Variants in USP9X observed in about 807,000 individuals in gnomAD.
USP9X encodes ubiquitin carboxyl-terminal hydrolase 9X.
In USP9X, 7 loss-of-function variants were observed where a neutral mutation model predicts 190.3. The ratio of observed to expected loss-of-function variants is 0.04; its 90% CI spans 0.02 to 0.07. The LOEUF (loss-of-function observed/expected upper bound fraction) is 0.07. Ranked by LOEUF, USP9X falls within the 10% of genes least tolerant of loss-of-function variation. The probability of loss-of-function intolerance (pLI) is 1.00; values close to 1 mark genes in which losing one functional copy is unlikely to be tolerated. For synonymous variants in USP9X, 645 were observed against 659.5 expected, an observed-to-expected ratio of 0.98 and a Z score of 0.34; for missense variants, 1,010 against 1,916.9, an observed-to-expected ratio of 0.53 and a Z score of 8.83.
At chrX:41,195,046 C>CTTTTTTTTTTTTTTTTTTTTTTTTTTTTT (rs931341447) in intron 26 of USP9X, among the ~76,000 whole-genome samples, 1 of 104,685 alleles carries the variant, frequency 9.6e-6, no homozygotes, top group Non-Finnish European at 1.9e-5. Flanking sequence ...TTTTTTCTTT[C>CTTTTTTTTTTTTTTTTTTTTTTTTTTTTT]TTTTTTTTGG....
At chrX:41,105,543 A>G (rs2062063150) in intron 1 of USP9X, among the ~76,000 whole-genome samples, 1 of 112,152 alleles carries the variant, frequency 8.9e-6, no homozygotes, top group South Asian at 3.7e-4. Context: ...TGACACATTC[A>G]TCTGTCAAAC....
At chrX:41,121,730 GT>G (rs1010060958) in intron 1 of USP9X, among the ~76,000 whole-genome samples, 1 of 111,310 alleles carries the variant, frequency 9.0e-6, no homozygotes, top group African/African-American at 3.3e-5. Flanking sequence ...TTTTTGCAAA[GT>G]TCTGATGCCT....
At chrX:41,171,637 A>G in intron 20 of USP9X, 1 of 477,991 alleles carries the variant, frequency 2.1e-6, no homozygotes, top group Non-Finnish European at 3.7e-6. Flanking sequence ...CAAAAAAATG[A>G]CTGGAAGTGA....
chrX:41,093,595 G>A (rs1044781526), intron 1 of USP9X, among the ~76,000 whole-genome samples: 1 of 111,423 alleles, frequency 9.0e-6, no homozygotes, highest in Non-Finnish European at 1.9e-5. Flanking sequence ...CGCCTGCCTC[G>A]GCTTCCCAAA....
chrX:41,232,362 A>G (rs1294525943), intron 44 of USP9X, 25 bp from the exon 45 acceptor site: 15 of 1,197,569 alleles, frequency 1.3e-5, no homozygotes, highest in East Asian at 3.0e-5. Flanking sequence ...AAGTTTTAAC[A>G]TACAGATCTT....
At chrX:41,101,696 A>AT (rs1349683847) in intron 1 of USP9X, among the ~76,000 whole-genome samples, 8 of 112,324 alleles carry the variant, frequency 7.1e-5, no homozygotes, top group Non-Finnish European at 1.5e-4. Flanking sequence ...AAAAATAAAT[A>AT]AATAATGACT....
chrX:41,103,887 A>G (rs768897760), intron 1 of USP9X, among the ~76,000 whole-genome samples: 1 of 111,612 alleles, frequency 9.0e-6, no homozygotes, highest in Non-Finnish European at 1.9e-5. Context: ...TATATTTCTA[A>G]CTAAAAGGGT....
chrX:41,139,637 C>T (rs1169822369), intron 6 of USP9X, among the ~76,000 whole-genome samples: 1 of 112,085 alleles, frequency 8.9e-6, no homozygotes, highest in East Asian at 2.8e-4. Flanking sequence ...GCACTCTGGG[C>T]GACGAGAGTA....
intron 13 of USP9X, among the ~76,000 whole-genome samples, chrX:41,152,497 CAG>C (rs1319626002): frequency 9.0e-6 from 1 of 111,490 alleles, no homozygotes; most frequent in Non-Finnish European, 1.9e-5. Flanking sequence ...TGGCTACAAA[CAG>C]AGTGTCCCAG....
chrX:41,118,152 C>T (rs12844723), intron 1 of USP9X, among the ~76,000 whole-genome samples: 49 of 112,081 alleles, frequency 4.4e-4, no homozygotes, highest in African/African-American at 1.3e-3. Flanking sequence ...ACACCGTGCT[C>T]GGCTGATTTT....
chrX:41,207,563 C>T (rs955846823), intron 32 of USP9X, among the ~76,000 whole-genome samples: 1 of 111,847 alleles, frequency 8.9e-6, no homozygotes, highest in Non-Finnish European at 1.9e-5. Flanking sequence ...GTCAGTACTA[C>T]GTCATGCACT....
chrX:41,167,337 CTTAA>C, intron 16 of USP9X, 141 bp from the exon 17 acceptor site: 2 of 430,575 alleles, frequency 4.6e-6, no homozygotes, highest in Non-Finnish European at 8.0e-6. Context: ...GTGCTTCTCA[CTTAA>C]TTTTACTTGA....
chrX:41,107,163 C>T (rs772308793), intron 1 of USP9X, among the ~76,000 whole-genome samples: 17 of 110,945 alleles, frequency 1.5e-4, no homozygotes, highest in East Asian at 5.7e-4. Context: ...GGATTACAGA[C>T]GTGAGCCACT....
chrX:41,198,538 A>G lies in USP9X; in HGVS notation c.4391A>G (p.Asp1464Gly). Reference protein sequence around the residue: ...GGANLIKELIDDFIFPASNVY... With the variant: ...GGANLIKELIGDFIFPASNVY... ...TTTTCAACTTTTTAGGAATTAATTGATGATTTCATATTTCCTGCATCCAAT... is the reference window on the plus strand; with the variant it reads ...TTTTCAACTTTTTAGGAATTAATTGGTGATTTCATATTTCCTGCATCCAAT... The change falls in exon 30 of 45, where the codon GAT (aspartate) becomes GGT (glycine). Residue 1464 changes from aspartate (D) to glycine (G), a missense_variant. Physicochemically the swap from Asp to Gly is moderately conservative, Grantham distance 94. Coordinates refer to ENST00000378308, the MANE Select transcript of USP9X (RefSeq NM_001039591.3). The G allele has an allele frequency of 8.3e-7, 1 of 1,201,514 alleles. No individual in the cohort carries two copies. Among genetic ancestry groups the G allele is most frequent in the Non-Finnish European group, 1.1e-6 (1 of 888,946 alleles).
chrX:41,186,618 T>C lies in USP9X; in HGVS notation c.3660T>C (p.Arg1220=). 4 of 1,211,397 alleles carry C rather than the reference T, an allele frequency of 3.3e-6. No homozygotes were observed. The highest frequency in any genetic ancestry group is 4.5e-6 in the Non-Finnish European group (4 of 895,283). ...GCATGCTTAGAAATGTGTCAGTTCG[T>C]CTTGCTCAGCAGATATCTGATGAGG... ...SECMLRNVSV[R]LAQQISDEAS... is the part of the protein sequence containing the mutation. The change falls in exon 24 of 45, where the codon CGT becomes CGC. Residue 1220 remains arginine, a synonymous_variant. Transcript: ENST00000378308.
intron 18 of USP9X, among the ~76,000 whole-genome samples, chrX:41,169,593 T>C (rs1014791443): frequency 1.8e-5 from 2 of 110,748 alleles, no homozygotes; most frequent in Non-Finnish European, 3.8e-5. Context: ...TAGCTGGGAT[T>C]ACAGGCGCCC....
At chrX:41,189,601 A>C in intron 26 of USP9X, 126 bp downstream of exon 26, 1 of 599,066 alleles carries the variant, frequency 1.7e-6, no homozygotes, top group Non-Finnish European at 2.5e-6. Context: ...ATTGAGGAAA[A>C]TTTTATTATT....
At chrX:41,092,169 C>CACCA (rs2061959519) in intron 1 of USP9X, among the ~76,000 whole-genome samples, 1 of 111,436 alleles carries the variant, frequency 9.0e-6, no homozygotes, top group Non-Finnish European at 1.9e-5. Context: ...AGCTGGTGAT[C>CACCA]GTGCATATTA....
At chrX:41,183,885 A>G in intron 21 of USP9X, 113 bp from the exon 22 acceptor site, 2 of 929,089 alleles carry the variant, frequency 2.2e-6, no homozygotes, top group Non-Finnish European at 2.8e-6. Flanking sequence ...TTGAGCCTAT[A>G]GCCCAACTGA....
Sources: allele counts gnomAD v4.1 joint callset (sites outside exome capture counted in the v4.1 genomes callset), GRCh38; gene constraint gnomAD v4.1.1; transcripts MANE v1.5; gene names NCBI Gene and HGNC (gene_info 2026-07-23, HGNC 2026-07-21).